The following CDH23 variants were observed in gnomAD, a reference collection of about 807,000 sequenced individuals.
CDH23 encodes the protein cadherin-23.
Under a neutral mutation model 317.1 loss-of-function variants are expected in CDH23, and 189 were observed. The ratio of observed to expected loss-of-function variants is 0.60; its 90% CI spans 0.53 to 0.67. CDH23 has a LOEUF of 0.67. Among genes scored for constraint, CDH23 ranks in the 30% least tolerant of loss-of-function variants. CDH23 has a pLI of 0.00. For missense variants in CDH23, 4,401 were observed against 4,592.4 expected (o/e 0.96, Z 1.20); for synonymous variants, 1,839 against 1,876.8 (o/e 0.98, Z 0.52).
intron 1 of CDH23, among the ~76,000 whole-genome samples, chr10:71,427,285 C>T (rs1280423240): frequency 2.0e-5 from 3 of 147,478 alleles, no homozygotes; most frequent in Non-Finnish European, 4.5e-5. Flanking sequence ...AGAAAGCAAG[C>T]AAGCCCATAC....
intron 3 of CDH23, among the ~76,000 whole-genome samples, chr10:71,477,992 C>T (rs1034466928): frequency 2.0e-5 from 3 of 152,154 alleles, no homozygotes; most frequent in Non-Finnish European, 2.9e-5. Context: ...CAGCCCCTAC[C>T]AATCTATGAG....
rs569246349 is a variant in CDH23 at position 71,794,921 on chromosome 10, A to G, written c.6712+1281A>G. ...GGTATCCATTTCTGGGAGACTGAAG[A>G]GTAAAATATCATGGGTGTGCATCAT... On this transcript the variant is annotated intron_variant, in intron 48 of 69. Transcript: ENST00000224721. Among the ~76,000 whole-genome samples, 4 of 152,322 alleles carry G rather than the reference A, an allele frequency of 2.6e-5. No homozygotes were observed. In the East Asian group the frequency reaches 7.7e-4, roughly 29 times the overall value.
intron 1 of CDH23, among the ~76,000 whole-genome samples, chr10:71,402,181 G>T (rs1238805254): frequency 6.6e-6 from 1 of 152,144 alleles, no homozygotes; most frequent in Non-Finnish European, 1.5e-5. Context: ...AATAAATGTT[G>T]GCATAGCTCA....
Position 71,791,579 on chromosome 10 carries a change from CT to C in CDH23, c.6253+257del, listed in dbSNP as rs536597476. 1.8e-3 allele frequency among the ~76,000 whole-genome samples: 259 copies of C among 144,334 alleles called. 2 individuals carry two copies. The highest frequency in any genetic ancestry group is 5.2e-3 in the South Asian group (24 of 4,580). 94.7% of individuals were successfully genotyped at this position (144,334 alleles called of 152,430 possible). A position where few individuals can be genotyped will look rare whatever the true frequency, so the allele number is the denominator to read the frequency against. On this transcript the variant is annotated intron_variant, in intron 47 of 69. Transcript: ENST00000224721. ...CCTTTCTTTCTTTTTCTTTTCTTTT[CT>C]TTTTTTTTTTTTAAGACGGAGTTTT...
chr10:71,634,164 G>A (rs984178985), intron 11 of CDH23, among the ~76,000 whole-genome samples: 2 of 152,254 alleles, frequency 1.3e-5, no homozygotes, highest in Non-Finnish European at 2.9e-5. Context: ...TGGCCAGAAA[G>A]CAGAGGGCTG....
At chr10:71,694,652 T>TG (rs570569306) in intron 21 of CDH23, among the ~76,000 whole-genome samples, 261 of 152,202 alleles carry the variant, frequency 1.7e-3, no homozygotes, top group Admixed American at 4.3e-3. Context: ...GGAGGGTCCC[T>TG]GGGGGCTTGT....
chr10:71,617,500 G>C, intron 11 of CDH23, 107 bp downstream of exon 11: 2 of 1,521,554 alleles, frequency 1.3e-6, no homozygotes, highest in Non-Finnish European at 1.8e-6. Flanking sequence ...AAACATTGCG[G>C]CACCCCACTC....
At chr10:71,755,211 C>T in intron 38 of CDH23, 1 of 808,826 alleles carries the variant, frequency 1.2e-6, no homozygotes, top group Non-Finnish European at 2.0e-6. Context: ...TTTCGCCCAG[C>T]TCCTGGCGGG....
chr10:71,721,562 C>T (rs1866556405), intron 28 of CDH23, among the ~76,000 whole-genome samples: 1 of 152,172 alleles, frequency 6.6e-6, no homozygotes, highest in South Asian at 2.1e-4. Flanking sequence ...GTGACAAAGC[C>T]TAAATTCATG....
At position 71,768,691 on chromosome 10, in the gene CDH23, C is replaced by A. The variant is rs147852745; in HGVS notation, c.4846-8989C>A. Among the ~76,000 whole-genome samples the A allele has an allele frequency of 3.9e-3, 587 of 150,860 alleles. 13 individuals are homozygous for A. Among genetic ancestry groups the A allele is most frequent in the Non-Finnish European group, 4.9e-3 (332 of 67,740 alleles). ...CTCGTTATGTTGTCCAGGCTGGTCC[C>A]CTGGCTTGAAACTCCTGGCTTCAAG... On this transcript the variant is annotated intron_variant, in intron 38 of 69. Coordinates refer to ENST00000224721, the MANE Select transcript of CDH23 (RefSeq NM_022124.6).
rs756165682 is a variant in CDH23 at position 71,712,692 on chromosome 10, C to T, written c.3248C>T (p.Thr1083Met). The T allele has an allele frequency of 1.5e-5, 24 of 1,613,552 alleles. No homozygotes were observed. In the African/African-American group the frequency reaches 1.7e-4, roughly 12 times the overall value. ...IDNGPVGKRH[T>M]GTATVFVTVL... The stretch of plus-strand genomic sequence containing the variant: ...AACGGCCCTGTAGGGAAGCGACACA[C>T]GGGCACAGCCACCGTGTTCGTCACT... The change falls in exon 28 of 70, where the codon ACG becomes ATG. Residue 1083 changes from threonine (T) to methionine (M), a missense_variant. Coordinates refer to ENST00000224721, the MANE Select transcript of CDH23 (RefSeq NM_022124.6).
At position 71,812,600 on chromosome 10, in the gene CDH23, G is replaced by T. The variant is rs144906721; in HGVS notation, c.9501G>T (p.Thr3167=). 6.2e-7 allele frequency: 1 copy of T among 1,613,896 alleles called. No homozygotes were observed. The highest frequency in any genetic ancestry group is 8.5e-7 in the Non-Finnish European group (1 of 1,179,900). ...TCGCCGACCTGTGGAACAGCCCCAC[G>T]CGCACCCATGTGAGCCAGAGGCGGT... ...SEIADLWNSP[T]RTHGTFGREP... The change falls in exon 67 of 70, where the codon ACG becomes ACT. Residue 3167 remains threonine, a synonymous_variant. Transcript: ENST00000224721.
chr10:71,574,340 G>A (rs560810022), intron 8 of CDH23, among the ~76,000 whole-genome samples: 9 of 152,152 alleles, frequency 5.9e-5, no homozygotes, highest in South Asian at 2.1e-4. Context: ...GCAGCATGTC[G>A]GCCTGCCCGT....
At chr10:71,630,365 T>G (rs544242332) in intron 11 of CDH23, among the ~76,000 whole-genome samples, 9 of 149,902 alleles carry the variant, frequency 6.0e-5, no homozygotes, top group African/African-American at 2.0e-4. Flanking sequence ...GGGGTGGGGG[T>G]GGGTGAATTG....
chr10:71,461,400 T>C (rs1424771433), intron 3 of CDH23, among the ~76,000 whole-genome samples: 2 of 152,222 alleles, frequency 1.3e-5, no homozygotes, highest in Non-Finnish European at 2.9e-5. Flanking sequence ...AAGACATCCA[T>C]CCTGGGCTGT....
intron 23 of CDH23, among the ~76,000 whole-genome samples, 168 bp downstream of exon 23, chr10:71,702,379 C>T (rs992210225): frequency 3.9e-5 from 6 of 152,090 alleles, no homozygotes; most frequent in East Asian, 1.9e-4. Flanking sequence ...CCTGAGGGAA[C>T]GGAGGGAGCT....
intron 9 of CDH23, among the ~76,000 whole-genome samples, chr10:71,579,958 C>T (rs1389375052): frequency 1.3e-5 from 2 of 152,088 alleles, no homozygotes; most frequent in East Asian, 1.9e-4. Flanking sequence ...TCACAGCCTC[C>T]GGGCTGGTTC....
intron 1 of CDH23, among the ~76,000 whole-genome samples, chr10:71,419,505 A>G (rs951633451): frequency 3.9e-5 from 6 of 152,290 alleles, no homozygotes; most frequent in Non-Finnish European, 4.4e-5. Flanking sequence ...CTCAGATGTG[A>G]AAAACCACCT....
At chr10:71,812,040 G>T in intron 66 of CDH23, 25 bp downstream of exon 66, 1 of 1,613,910 alleles carries the variant, frequency 6.2e-7, no homozygotes, top group Non-Finnish European at 8.5e-7. Flanking sequence ...GGCCCTGCCC[G>T]GTCCCCTGCG....
Sources: gnomAD v4.1 joint callset for allele counts (sites outside exome capture counted in the v4.1 genomes callset) on GRCh38, gnomAD v4.1.1 for gene constraint, MANE v1.5 for transcripts, NCBI Gene and HGNC (gene_info 2026-07-23, HGNC 2026-07-21) for gene names.